Variants in EIF4G3 observed in about 807,000 individuals in gnomAD.
EIF4G3 encodes the protein eIF-4-gamma 3.
A neutral mutation model predicts 186.4 loss-of-function variants in EIF4G3; 34 were observed. The observed-to-expected ratio is 0.18, with a 90% CI of 0.14 to 0.24. The LOEUF (loss-of-function observed/expected upper bound fraction) is 0.24. Among genes scored for constraint, EIF4G3 ranks in the 10% least tolerant of loss-of-function variants. The probability of loss-of-function intolerance (pLI) is 1.00; values close to 1 mark genes in which losing one functional copy is unlikely to be tolerated. For missense variants in EIF4G3, 1,536 were observed against 1,948.5 expected, an observed-to-expected ratio of 0.79 and a Z score of 3.99; for synonymous variants, 673 against 679.5, an observed-to-expected ratio of 0.99 and a Z score of 0.15.
intron 2 of EIF4G3, among the ~76,000 whole-genome samples, chr1:21,134,104 GCC>G (rs2102549311): frequency 6.6e-6 from 1 of 152,102 alleles, no homozygotes; most frequent in African/African-American, 2.4e-5. Context: ...TCTTATTCCT[GCC>G]CTTTATAAGA....
intron 14 of EIF4G3, among the ~76,000 whole-genome samples, chr1:20,937,914 G>A (rs1366475610): frequency 1.3e-5 from 2 of 152,180 alleles, no homozygotes; most frequent in Non-Finnish European, 2.9e-5. Context: ...GCCAATAACT[G>A]AGGCTTTTCA....
In EIF4G3 at chr1:20,847,557, A is replaced by G. The variant is rs142097583; in HGVS notation, c.3888+1858T>C. 5.2e-3 allele frequency among the ~76,000 whole-genome samples: 787 copies of G among 152,200 alleles called. 7 individuals carry two copies. The highest frequency in any genetic ancestry group is 0.018 in the African/African-American group (754 of 41,520). ...ATCCTTCAAATTACATCTGAAGCCA[A>G]TCTCCACTGTTTTCTTCCTTACTGT... On this transcript the variant is annotated intron_variant, in intron 29 of 36. Transcript: ENST00000602326.
At chr1:20,887,304 TAGATG>T (rs2154555062) in intron 18 of EIF4G3, among the ~76,000 whole-genome samples, 1 of 151,984 alleles carries the variant, frequency 6.6e-6, no homozygotes, top group Non-Finnish European at 1.5e-5. Flanking sequence ...AAAGCACACA[TAGATG>T]AGAATCATTT....
chr1:21,034,104 G>A (rs1470343909), intron 4 of EIF4G3, among the ~76,000 whole-genome samples: 1 of 152,102 alleles, frequency 6.6e-6, no homozygotes, highest in African/African-American at 2.4e-5. Context: ...AAGTAACAAA[G>A]AAAATTTTTT....
At position 20,807,412 on chromosome 1, in the gene EIF4G3, A is replaced by G. The variant is rs1194120157; in HGVS notation, c.4833T>C (p.Pro1611=). The change falls in exon 37 of 37, where the codon CCT becomes CCC. Residue 1611 remains proline (P), a synonymous_variant. Coordinates refer to ENST00000602326, the MANE Select transcript of EIF4G3 (RefSeq NM_001391906.1). ...CCACGCCCTTCCCATTCTGCTCTGC[A>G]GGGTCCTTGCTGCTCTCCCATTTGT... ...AFYKWESSKD[P]AEQNGKGVAL... is the part of the protein sequence containing the mutation. 2.5e-6 allele frequency: 4 copies of G among 1,613,296 alleles called. No individual in the cohort carries two copies. In the South Asian group the frequency reaches 4.4e-5, roughly 18 times the overall value.
chr1:20,813,134 G>C, intron 35 of EIF4G3, 24 bp downstream of exon 35: 1 of 1,499,646 alleles, frequency 6.7e-7, no homozygotes, highest in East Asian at 2.3e-5. Context: ...GATGTTATGA[G>C]CTGCCTTCAG....
intron 29 of EIF4G3, chr1:20,841,261 A>G (rs1442056522): frequency 9.3e-6 from 3 of 323,926 alleles, no homozygotes; most frequent in Non-Finnish European, 1.1e-5. Flanking sequence ...GCCCTTTTCA[A>G]ATTTATCTAG....
At chr1:21,053,874 C>T (rs1176675499) in intron 3 of EIF4G3, among the ~76,000 whole-genome samples, 1 of 150,382 alleles carries the variant, frequency 6.6e-6, no homozygotes, top group Non-Finnish European at 1.5e-5. Context: ...CCCGGCCAGC[C>T]GCCCCGTCTG....
At chr1:21,071,817 A>AG (rs1020771033) in intron 3 of EIF4G3, among the ~76,000 whole-genome samples, 38 of 152,110 alleles carry the variant, frequency 2.5e-4, no homozygotes, top group African/African-American at 7.9e-4. Flanking sequence ...AAAAAAAAAA[A>AG]AGAGAGAGAG....
rs762779747 is a variant in EIF4G3 at position 20,813,274 on chromosome 1, C to T, written c.4516-35G>A. ...AAAAGAAATAAAACAATTAAAGATA[C>T]CTTGCTCAGCCAGGCACAGAGGCTC... On this transcript the variant is annotated intron_variant, in intron 34 of 36. Transcript: ENST00000602326. 4 of 1,525,378 alleles carry T rather than the reference C, an allele frequency of 2.6e-6. No homozygotes were observed. The South Asian group carries it at 3.4e-5, about 13-fold the overall frequency. The allele number at this position is 1,525,378 out of a possible 1,614,324, so 94.5% of individuals were successfully genotyped here. A position where few individuals can be genotyped will look rare whatever the true frequency, so the allele number is the denominator to read the frequency against.
intron 14 of EIF4G3, among the ~76,000 whole-genome samples, chr1:20,928,319 T>G (rs2095069385): frequency 6.6e-6 from 1 of 152,220 alleles, no homozygotes; most frequent in African/African-American, 2.4e-5. Flanking sequence ...TGTGGTGTTC[T>G]TGTTGAAATT....
intron 33 of EIF4G3, among the ~76,000 whole-genome samples, chr1:20,819,785 C>T (rs375084071): frequency 1.3e-5 from 2 of 152,146 alleles, no homozygotes; most frequent in African/African-American, 4.8e-5. Context: ...ACCCCCATGA[C>T]ACAAGTTTAC....
Position 20,941,659 on chromosome 1 carries a change from T to A in EIF4G3, c.1495A>T (p.Ser499Cys). ...ACTCTCTGGACTGTGATGGCAGCACTCGGAGAACTAACAGTAGTGGCAGCA... is the reference window on the plus strand; with the variant it reads ...ACTCTCTGGACTGTGATGGCAGCACACGGAGAACTAACAGTAGTGGCAGCA... Reference protein sequence around the residue: ...PAAATTVSSPSAAITVQRVLE... With the variant: ...PAAATTVSSPCAAITVQRVLE... Residue 499 changes from serine (S) to cysteine (C), a missense_variant, in exon 14 of 37, where the codon AGT becomes TGT. Around this residue, in one of 11 missense-constraint regions of EIF4G3, gnomAD observed 560 missense variants for 547.8 expected, o/e 1.02. Coordinates refer to ENST00000602326, the MANE Select transcript of EIF4G3 (RefSeq NM_001391906.1). 6.2e-7 allele frequency: 1 copy of A among 1,613,946 alleles called. No homozygotes were observed. The highest frequency in any genetic ancestry group is 8.5e-7 in the Non-Finnish European group (1 of 1,179,964).
At chr1:20,929,359 T>C (rs2095164616) in intron 14 of EIF4G3, 1 of 152,202 alleles carries the variant, frequency 6.6e-6, no homozygotes, top group Non-Finnish European at 1.5e-5. Context: ...ACTGTGAAGA[T>C]AAATGACATA....
At chr1:20,818,756 A>T (rs2061623281) in intron 33 of EIF4G3, among the ~76,000 whole-genome samples, 1 of 152,200 alleles carries the variant, frequency 6.6e-6, no homozygotes, top group African/African-American at 2.4e-5. Flanking sequence ...AACCATAAAG[A>T]TGAAAATATT....
At chr1:21,056,329 T>C (rs1362747495) in intron 3 of EIF4G3, among the ~76,000 whole-genome samples, 1 of 152,170 alleles carries the variant, frequency 6.6e-6, no homozygotes, top group Non-Finnish European at 1.5e-5. Flanking sequence ...CTGTTACATA[T>C]AATAAAAATC....
At chr1:20,916,072 A>C (rs924893547) in intron 14 of EIF4G3, among the ~76,000 whole-genome samples, 1 of 152,224 alleles carries the variant, frequency 6.6e-6, no homozygotes, top group East Asian at 1.9e-4. Context: ...ACTAGTAACA[A>C]AAATTGAAAT....
intron 2 of EIF4G3, among the ~76,000 whole-genome samples, chr1:21,136,348 C>G (rs2102585867): frequency 6.6e-6 from 1 of 151,994 alleles, no homozygotes; most frequent in East Asian, 1.9e-4. Flanking sequence ...GAAACCCCAT[C>G]TCTACTAAAA....
chr1:21,127,179 G>C (rs2097061982), intron 2 of EIF4G3, among the ~76,000 whole-genome samples: 1 of 152,086 alleles, frequency 6.6e-6, no homozygotes, highest in Non-Finnish European at 1.5e-5. Flanking sequence ...TGTAAATATG[G>C]GGTCTCACTA....
Sources: allele counts gnomAD v4.1 joint callset (sites outside exome capture counted in the v4.1 genomes callset), GRCh38; gene constraint gnomAD v4.1.1; regional missense constraint gnomAD v4.1.1; transcripts MANE v1.5; gene names NCBI Gene and HGNC (gene_info 2026-07-23, HGNC 2026-07-21).